PDE10A: variants seen among roughly 807,000 people sequenced by gnomAD.
PDE10A encodes phosphodiesterase 10A.
A neutral mutation model predicts 97.7 loss-of-function variants in PDE10A; 39 were observed. The ratio of observed to expected loss-of-function variants is 0.40; its 90% CI spans 0.31 to 0.52. The LOEUF is 0.52. PDE10A is among the 20% of genes least tolerant of loss of function. PDE10A has a pLI of 0.56. For missense variants in PDE10A, 731 were observed against 1,047.8 expected, an observed-to-expected ratio of 0.70 and a Z score of 4.17; for synonymous variants, 371 against 376.8, an observed-to-expected ratio of 0.98 and a Z score of 0.18.
At chr6:165,399,062 T>C (rs1786419341) in intron 13 of PDE10A, among the ~76,000 whole-genome samples, 1 of 152,142 alleles carries the variant, frequency 6.6e-6, no homozygotes, top group Non-Finnish European at 1.5e-5. Context: ...AGAACAAAGA[T>C]TATTACTAGA....
At chr6:165,862,581 T>C (rs773073471) in intron 1 of PDE10A, among the ~76,000 whole-genome samples, 20 of 151,758 alleles carry the variant, frequency 1.3e-4, no homozygotes, top group Non-Finnish European at 2.8e-4. Context: ...GAGCAGTAAA[T>C]AGAATCCTGA....
At chr6:165,447,954 A>G (rs1790992208) in intron 5 of PDE10A, among the ~76,000 whole-genome samples, 1 of 152,208 alleles carries the variant, frequency 6.6e-6, no homozygotes, top group Non-Finnish European at 1.5e-5. Flanking sequence ...ATCAGCCAAT[A>G]AATATTTTTG....
In PDE10A at chr6:165,583,774, C is replaced by A. The variant is rs116741083; in HGVS notation, c.866-40206G>T. The stretch of plus-strand genomic sequence containing the variant: ...TAAACTAGTGTCTAATGTATGATAC[C>A]GTTTCTCCCATAGCCAGGATTCATG... On this transcript the variant is annotated intron_variant, in intron 1 of 21. Coordinates refer to ENST00000539869, the MANE Select transcript of PDE10A (RefSeq NM_001385079.1). Among the ~76,000 whole-genome samples, 426 of 152,220 alleles carry A rather than the reference C, an allele frequency of 2.8e-3. 2 individuals carry two copies. Among genetic ancestry groups the A allele is most frequent in the African/African-American group, 9.9e-3 (410 of 41,526 alleles).
chr6:165,369,389 C>G (rs893085629), intron 18 of PDE10A, among the ~76,000 whole-genome samples: 1 of 151,734 alleles, frequency 6.6e-6, no homozygotes, highest in Admixed American at 6.6e-5. Flanking sequence ...ATTAAAGGAG[C>G]TGATGGAGCT....
chr6:165,338,445 A>G (rs968352458), intron 20 of PDE10A, among the ~76,000 whole-genome samples: 23 of 152,208 alleles, frequency 1.5e-4, no homozygotes, highest in Admixed American at 6.5e-5. Context: ...AATATATGAC[A>G]CCACACATAC....
At chr6:165,773,365 C>T (rs1287692813) in intron 1 of PDE10A, 2 of 152,136 alleles carry the variant, frequency 1.3e-5, no homozygotes, top group Non-Finnish European at 2.9e-5. Flanking sequence ...TAAAGGAACT[C>T]GCTTAAACAA....
intron 1 of PDE10A, among the ~76,000 whole-genome samples, chr6:165,917,625 C>T (rs942612331): frequency 6.6e-6 from 1 of 152,098 alleles, no homozygotes; most frequent in Non-Finnish European, 1.5e-5. Context: ...CAAAAGAGGA[C>T]ATTAACTGAA....
intron 1 of PDE10A, among the ~76,000 whole-genome samples, chr6:165,705,442 A>G (rs1032662805): frequency 6.6e-6 from 1 of 152,200 alleles, no homozygotes; most frequent in African/African-American, 2.4e-5. Context: ...ACAGCCTTTA[A>G]AGCTAACGTT....
chr6:165,920,317 C>T (rs1028295709), intron 1 of PDE10A, among the ~76,000 whole-genome samples: 35 of 152,168 alleles, frequency 2.3e-4, no homozygotes, highest in African/African-American at 8.0e-4. Flanking sequence ...ATCCACTTTG[C>T]AAAACTACAC....
At chr6:165,749,419 TCAC>T (rs1792939210) in intron 1 of PDE10A, among the ~76,000 whole-genome samples, 2 of 133,090 alleles carry the variant, frequency 1.5e-5, no homozygotes, top group Admixed American at 7.3e-5. Flanking sequence ...ATCACCATCA[TCAC>T]CATCACCACC....
At chr6:165,647,227 A>G (rs960329641) in intron 1 of PDE10A, among the ~76,000 whole-genome samples, 8 of 152,222 alleles carry the variant, frequency 5.3e-5, no homozygotes, top group Non-Finnish European at 1.0e-4. Flanking sequence ...AAGCAAATAT[A>G]AGCTACAGTG....
intron 1 of PDE10A, among the ~76,000 whole-genome samples, chr6:165,901,236 A>T (rs1335802203): frequency 6.6e-6 from 1 of 152,056 alleles, no homozygotes. Context: ...GTGCTCCCCC[A>T]AGGCTAGCTA....
intron 1 of PDE10A, among the ~76,000 whole-genome samples, chr6:165,598,531 G>A (rs1351867222): frequency 1.3e-5 from 2 of 152,158 alleles, no homozygotes; most frequent in African/African-American, 4.8e-5. Flanking sequence ...TGTGGCCCCT[G>A]CTGTGTGACC....
chr6:165,755,465 G>T (rs1022720837), intron 1 of PDE10A, among the ~76,000 whole-genome samples: 4 of 152,112 alleles, frequency 2.6e-5, no homozygotes, highest in African/African-American at 9.7e-5. Flanking sequence ...TGTCCCTGTC[G>T]TTCTGTCTTC....
chr6:165,743,264 A>G (rs1054447142), intron 1 of PDE10A, among the ~76,000 whole-genome samples: 2 of 152,218 alleles, frequency 1.3e-5, no homozygotes, highest in African/African-American at 2.4e-5. Context: ...TTTTAGATGT[A>G]CAGAAGAGTC....
intron 5 of PDE10A, among the ~76,000 whole-genome samples, chr6:165,446,482 T>C (rs1327778722): frequency 1.3e-5 from 2 of 152,176 alleles, no homozygotes; most frequent in Admixed American, 1.3e-4. Flanking sequence ...GCCTTAGCTA[T>C]CTAGGTGGAA....
chr6:165,735,378 G>A (rs1002083340), intron 1 of PDE10A, among the ~76,000 whole-genome samples: 1 of 151,962 alleles, frequency 6.6e-6, no homozygotes, highest in Non-Finnish European at 1.5e-5. Flanking sequence ...GGGTAGGTAG[G>A]TAGGTAGGAA....
chr6:165,696,336 A>C (rs1246282429), intron 1 of PDE10A, among the ~76,000 whole-genome samples: 1 of 152,158 alleles, frequency 6.6e-6, no homozygotes, highest in Admixed American at 6.5e-5. Flanking sequence ...TGAATCGTAA[A>C]TTTTAAATCT....
intron 10 of PDE10A, among the ~76,000 whole-genome samples, chr6:165,426,608 C>G (rs7742803): frequency 6.6e-6 from 1 of 152,006 alleles, no homozygotes. Context: ...CAAAAGAAAA[C>G]AATAGCTAAA....
Sources: gnomAD v4.1 joint callset for allele counts (sites outside exome capture counted in the v4.1 genomes callset) on GRCh38, gnomAD v4.1.1 for gene constraint, MANE v1.5 for transcripts, NCBI Gene and HGNC (gene_info 2026-07-23, HGNC 2026-07-21) for gene names.